HDAC9: variants seen among roughly 807,000 people sequenced by gnomAD.
HDAC9 encodes the protein MEF-2 interacting transcription repressor (MITR) protein.
In HDAC9, 41 loss-of-function variants were observed where a neutral mutation model predicts 139.4. That is an observed-to-expected ratio of 0.29 (90% CI 0.23 to 0.38). HDAC9 has a LOEUF of 0.38. Among genes scored for constraint, HDAC9 ranks in the 10% least tolerant of loss-of-function variants. The probability of loss-of-function intolerance (pLI) is 1.00; values close to 1 mark genes in which losing one functional copy is unlikely to be tolerated. For synonymous variants in HDAC9, 517 were observed against 476.2 expected (o/e 1.09, Z -1.12); for missense variants, 1,147 against 1,297.0 (o/e 0.88, Z 1.78).
chr7:18,869,568 G>A (rs1182667413), intron 21 of HDAC9, among the ~76,000 whole-genome samples: 4 of 152,012 alleles, frequency 2.6e-5, no homozygotes, highest in South Asian at 2.1e-4. Flanking sequence ...TTTCTTCATA[G>A]CAGTGCAAGA....
chr7:18,725,870 G>A (rs1785505765), intron 12 of HDAC9, among the ~76,000 whole-genome samples: 1 of 152,130 alleles, frequency 6.6e-6, no homozygotes, highest in African/African-American at 2.4e-5. Flanking sequence ...TCTTGTAAAA[G>A]TGTATAAACC....
At chr7:18,397,153 A>G (rs1787138218) in intron 1 of HDAC9, among the ~76,000 whole-genome samples, 1 of 152,178 alleles carries the variant, frequency 6.6e-6, no homozygotes, top group African/African-American at 2.4e-5. Context: ...AATAGAAGGC[A>G]CACAGCTTTT....
intron 21 of HDAC9, among the ~76,000 whole-genome samples, chr7:18,847,889 C>T (rs1797015402): frequency 6.6e-6 from 1 of 152,166 alleles, no homozygotes; most frequent in Non-Finnish European, 1.5e-5. Flanking sequence ...CTATTTCCTG[C>T]CCTATTTATC....
chr7:18,991,939 A>G (rs1786011481), intron 25 of HDAC9, among the ~76,000 whole-genome samples: 1 of 152,222 alleles, frequency 6.6e-6, no homozygotes. Flanking sequence ...AGTGCCTAGA[A>G]CAGAACCAGG....
intron 1 of HDAC9, among the ~76,000 whole-genome samples, chr7:18,092,681 G>GT (rs775545760): frequency 2.0e-4 from 31 of 152,250 alleles, no homozygotes; most frequent in South Asian, 1.7e-3. Context: ...TTAATGAAAT[G>GT]TTTGAGTTTT....
chr7:18,094,136 C>A (rs1782345803), intron 1 of HDAC9, among the ~76,000 whole-genome samples: 1 of 152,188 alleles, frequency 6.6e-6, no homozygotes, highest in Non-Finnish European at 1.5e-5. Flanking sequence ...GACTACTCCA[C>A]TGTGGCCAGG....
At chr7:18,391,734 A>T (rs2128723786) in intron 1 of HDAC9, among the ~76,000 whole-genome samples, 1 of 152,340 alleles carries the variant, frequency 6.6e-6, no homozygotes, top group East Asian at 1.9e-4. Flanking sequence ...AGATGCCTGG[A>T]TATAAACCCC....
intron 1 of HDAC9, among the ~76,000 whole-genome samples, chr7:18,478,298 C>G (rs531888397): frequency 6.6e-6 from 1 of 152,162 alleles, no homozygotes; most frequent in Non-Finnish European, 1.5e-5. Flanking sequence ...GTCTTGATCT[C>G]CTGACCTCGG....
At chr7:18,388,785 CT>C (rs2128721141) in intron 1 of HDAC9, among the ~76,000 whole-genome samples, 1 of 152,194 alleles carries the variant, frequency 6.6e-6, no homozygotes, top group Admixed American at 6.5e-5. Flanking sequence ...AGAACTAAGT[CT>C]TTTGTGAATT....
At chr7:18,741,882 C>T (rs1037004909) in intron 13 of HDAC9, among the ~76,000 whole-genome samples, 1 of 152,148 alleles carries the variant, frequency 6.6e-6, no homozygotes, top group African/African-American at 2.4e-5. Context: ...AATGGAGGAA[C>T]TAACTGCAGA....
At chr7:18,197,738 T>G (rs979792278) in intron 2 of HDAC9, among the ~76,000 whole-genome samples, 4 of 152,184 alleles carry the variant, frequency 2.6e-5, no homozygotes, top group Non-Finnish European at 4.4e-5. Context: ...GGCCAACAAT[T>G]TACTCAGTCC....
At chr7:18,947,219 C>G (rs543111387) in intron 23 of HDAC9, among the ~76,000 whole-genome samples, 3 of 151,732 alleles carry the variant, frequency 2.0e-5, no homozygotes, top group Non-Finnish European at 4.4e-5. Flanking sequence ...ATTAGAGAAT[C>G]AAAGCAGCAA....
chr7:18,766,900 T>C (rs1384948854), intron 15 of HDAC9, among the ~76,000 whole-genome samples: 3 of 152,202 alleles, frequency 2.0e-5, no homozygotes, highest in African/African-American at 7.2e-5. Flanking sequence ...TTGATTTGCT[T>C]TTAGTTCTTA....
chr7:18,738,896 C>G (rs1322830378), intron 13 of HDAC9, among the ~76,000 whole-genome samples: 3 of 152,220 alleles, frequency 2.0e-5, no homozygotes, highest in Non-Finnish European at 4.4e-5. Flanking sequence ...TTCAGGTACA[C>G]CAATCAAATG....
intron 19 of HDAC9, among the ~76,000 whole-genome samples, chr7:18,833,556 G>T (rs1413288088): frequency 6.6e-6 from 1 of 152,054 alleles, no homozygotes; most frequent in Non-Finnish European, 1.5e-5. Flanking sequence ...AGACATTGTG[G>T]CTTTAATTGT....
intron 2 of HDAC9, among the ~76,000 whole-genome samples, chr7:18,181,485 G>T (rs1789423314): frequency 6.6e-6 from 1 of 152,182 alleles, no homozygotes; most frequent in Admixed American, 6.5e-5. Flanking sequence ...GCATGCCTCA[G>T]TACTTGTAAA....
chr7:18,811,776 T>C (rs1236793576), intron 17 of HDAC9, among the ~76,000 whole-genome samples: 1 of 151,638 alleles, frequency 6.6e-6, no homozygotes, highest in East Asian at 1.9e-4. Flanking sequence ...TGTTGGTATA[T>C]GTTTATATGT....
At chr7:18,706,048 C>T in intron 12 of HDAC9, among the ~76,000 whole-genome samples, 1 of 151,586 alleles carries the variant, frequency 6.6e-6, no homozygotes, top group East Asian at 1.9e-4. Flanking sequence ...GACGTGAATC[C>T]TTTCCCCAGT....
chr7:18,635,847 G>C (rs1783719986), intron 8 of HDAC9, among the ~76,000 whole-genome samples: 1 of 152,024 alleles, frequency 6.6e-6, no homozygotes, highest in South Asian at 2.1e-4. Flanking sequence ...CTTATAGGGA[G>C]CTCACTTCAC....
Sources: allele counts gnomAD v4.1 joint callset (sites outside exome capture counted in the v4.1 genomes callset), GRCh38; gene constraint gnomAD v4.1.1; transcripts MANE v1.5; gene names NCBI Gene and HGNC (gene_info 2026-07-23, HGNC 2026-07-21).